The following RALGAPA1 variants were observed in gnomAD, a reference collection of about 807,000 sequenced individuals.
RALGAPA1 encodes the protein Ral GTPase activating protein catalytic subunit alpha 1, also known as ral GTPase-activating protein subunit alpha-1.
In RALGAPA1, 52 loss-of-function variants were observed where a neutral mutation model predicts 269.6. The ratio of observed to expected loss-of-function variants is 0.19; its 90% CI spans 0.15 to 0.24. RALGAPA1 has a LOEUF of 0.24. Among genes scored for constraint, RALGAPA1 ranks in the 10% least tolerant of loss-of-function variants. The pLI, the probability that RALGAPA1 is intolerant of heterozygous loss-of-function variation, is 1.00. For synonymous variants in RALGAPA1, 817 were observed against 1,008.3 expected (o/e 0.81, Z 3.60); for missense variants, 1,917 against 3,013.9 (o/e 0.64, Z 8.52).
intron 35 of RALGAPA1, among the ~76,000 whole-genome samples, chr14:35,620,514 C>A (rs1392176380): frequency 6.6e-6 from 1 of 151,910 alleles, no homozygotes; most frequent in East Asian, 1.9e-4. Flanking sequence ...CTGGCCAGGG[C>A]AATCAAGCAG....
At chr14:35,545,004 G>A (rs1484019670) in intron 41 of RALGAPA1, among the ~76,000 whole-genome samples, 2 of 152,006 alleles carry the variant, frequency 1.3e-5, no homozygotes, top group African/African-American at 4.8e-5. Flanking sequence ...CCAAGATTGC[G>A]CCACTGCACT....
In RALGAPA1 at chr14:35,651,809, T is replaced by C. The variant is rs150450380; in HGVS notation, c.5672A>G (p.Lys1891Arg). The change falls in exon 31 of 42, where the codon AAG becomes AGG. Residue 1891 changes from lysine (K) to arginine (R), a missense_variant. Around this residue, in one of 11 missense-constraint regions of RALGAPA1, gnomAD observed 346 missense variants for 566.1 expected, o/e 0.61. Coordinates refer to ENST00000680220, the MANE Select transcript of RALGAPA1 (RefSeq NM_001346249.2). ...ATCAAACAAAATTTAAATTACCCTC[T>C]TGTCCATTTCATAAGATGAAGCCTC... ...STEASSYEMDKRLVVSLLLCL... is the reference protein window; with the variant it reads ...STEASSYEMDRRLVVSLLLCL... The C allele has an allele frequency of 6.3e-7, 1 of 1,598,776 alleles. No homozygotes were observed. The highest frequency in any genetic ancestry group is 1.4e-5 in the African/African-American group (1 of 74,038).
intron 11 of RALGAPA1, among the ~76,000 whole-genome samples, chr14:35,741,756 A>T (rs904411682): frequency 2.0e-5 from 3 of 152,226 alleles, no homozygotes; most frequent in Non-Finnish European, 2.9e-5. Context: ...ACCTGTGACA[A>T]AGGTTGAACA....
At chr14:35,723,375 G>A (rs954928503) in intron 14 of RALGAPA1, 111 bp from the exon 15 acceptor site, 35 of 598,884 alleles carry the variant, frequency 5.8e-5, no homozygotes, top group Middle Eastern at 7.4e-4. Context: ...ATTTAAAATC[G>A]CATGCTTTTT....
intron 39 of RALGAPA1, among the ~76,000 whole-genome samples, chr14:35,550,198 C>G (rs1454446466): frequency 6.6e-6 from 1 of 152,214 alleles, no homozygotes; most frequent in Non-Finnish European, 1.5e-5. Flanking sequence ...CAGGCAGCAA[C>G]ATACAATTAT....
intron 39 of RALGAPA1, among the ~76,000 whole-genome samples, chr14:35,567,896 C>A (rs929588458): frequency 6.6e-6 from 1 of 152,122 alleles, no homozygotes; most frequent in African/African-American, 2.4e-5. Context: ...TCTTCCATAT[C>A]TACCTCTATG....
intron 10 of RALGAPA1, among the ~76,000 whole-genome samples, chr14:35,746,030 A>G (rs1280819808): frequency 6.6e-6 from 1 of 151,614 alleles, no homozygotes; most frequent in Non-Finnish European, 1.5e-5. Flanking sequence ...TTGTGATCAC[A>G]CCACTGTACT....
chr14:35,694,584 T>G (rs1353674321), intron 17 of RALGAPA1, among the ~76,000 whole-genome samples: 1 of 152,164 alleles, frequency 6.6e-6, no homozygotes, highest in Non-Finnish European at 1.5e-5. Context: ...CTCAATAGTT[T>G]TCATTTAAAC....
chr14:35,592,637 C>A (rs2058707141), intron 37 of RALGAPA1, among the ~76,000 whole-genome samples: 1 of 152,118 alleles, frequency 6.6e-6, no homozygotes. Context: ...AACAACATAT[C>A]AAAAAGATTA....
At position 35,808,912 on chromosome 14, in the gene RALGAPA1, G is replaced by A; in HGVS notation, c.-77C>T. On this transcript the variant is annotated 5_prime_UTR_variant, in exon 1 of 42. Transcript: ENST00000680220. ...CCCGGCGGCAGAAAGTGGAGGGAGTGGACGGGGAGGAGACTAGCCAGAGAG... is the reference window on the plus strand; with the variant it reads ...CCCGGCGGCAGAAAGTGGAGGGAGTAGACGGGGAGGAGACTAGCCAGAGAG... 6.5e-7 allele frequency: 1 copy of A among 1,543,528 alleles called. No individual in the cohort carries two copies. Among genetic ancestry groups the A allele is most frequent in the Non-Finnish European group, 8.7e-7 (1 of 1,145,630 alleles).
intron 31 of RALGAPA1, among the ~76,000 whole-genome samples, chr14:35,642,634 G>A (rs184138397): frequency 1.3e-5 from 2 of 152,220 alleles, no homozygotes; most frequent in East Asian, 1.9e-4. Context: ...ATCCCACAAT[G>A]AGATACCATC....
chr14:35,573,076 TA>T (rs1324486378), intron 37 of RALGAPA1, among the ~76,000 whole-genome samples: 10 of 152,120 alleles, frequency 6.6e-5, no homozygotes, highest in Non-Finnish European at 1.3e-4. Context: ...CCCAGTTGAG[TA>T]AGAGAAAGTT....
chr14:35,570,674 G>A lies in RALGAPA1; in HGVS notation c.7439C>T (p.Ala2480Val), dbSNP rs1236867247. 1.9e-6 allele frequency: 3 copies of A among 1,611,572 alleles called. No individual in the cohort carries two copies. In the East Asian group the frequency reaches 6.7e-5, roughly 36 times the overall value. ...NGKVLPIMVR[A>V]TAINASRALK... ...AGCACGGCTTGCATTTATAGCTGTT[G>A]CTCTAACCATAATGGGTAGAACCTT... Residue 2480 changes from alanine to valine, a missense_variant, in exon 39 of 42, where the codon GCA (alanine) becomes GTA (valine). Ala to Val is a moderately conservative substitution (Grantham distance 64). Coordinates refer to ENST00000680220, the MANE Select transcript of RALGAPA1 (RefSeq NM_001346249.2).
chr14:35,802,403 T>C (rs1454145872), intron 1 of RALGAPA1, among the ~76,000 whole-genome samples: 1 of 152,084 alleles, frequency 6.6e-6, no homozygotes, highest in Non-Finnish European at 1.5e-5. Context: ...TGATATGAGA[T>C]CCAATCAGAA....
chr14:35,794,480 G>A (rs572897786), intron 1 of RALGAPA1, among the ~76,000 whole-genome samples: 215 of 151,956 alleles, frequency 1.4e-3, no homozygotes, highest in African/African-American at 4.5e-3. Flanking sequence ...GTTTTGAGAT[G>A]GAGTCTCCCT....
intron 1 of RALGAPA1, among the ~76,000 whole-genome samples, chr14:35,785,331 T>G (rs982326272): frequency 3.9e-5 from 6 of 152,242 alleles, no homozygotes; most frequent in Admixed American, 2.0e-4. Context: ...CTGAAAATGA[T>G]GGATCTGATC....
intron 1 of RALGAPA1, among the ~76,000 whole-genome samples, chr14:35,785,452 T>C (rs554670579): frequency 2.0e-5 from 3 of 152,314 alleles, no homozygotes; most frequent in African/African-American, 7.2e-5. Context: ...AGGTTTTATA[T>C]ACTGGAAAAT....
chr14:35,643,687 G>A (rs1042834877), intron 31 of RALGAPA1, among the ~76,000 whole-genome samples: 2 of 152,184 alleles, frequency 1.3e-5, no homozygotes, highest in South Asian at 2.1e-4. Context: ...ATATGCAAGG[G>A]AGTACTATTC....
chr14:35,768,242 TA>T (rs2141454396), intron 4 of RALGAPA1, among the ~76,000 whole-genome samples: 1 of 152,222 alleles, frequency 6.6e-6, no homozygotes, highest in East Asian at 1.9e-4. Flanking sequence ...GAGGCTAGCT[TA>T]AAAAAATTTC....
Sources: allele counts gnomAD v4.1 joint callset (sites outside exome capture counted in the v4.1 genomes callset), GRCh38; gene constraint gnomAD v4.1.1; regional missense constraint gnomAD v4.1.1; transcripts MANE v1.5; gene names NCBI Gene and HGNC (gene_info 2026-07-23, HGNC 2026-07-21).